Variants in UCKL1 observed in about 807,000 individuals in gnomAD.
UCKL1 encodes uridine-cytidine kinase-like 1.
In UCKL1, 65 loss-of-function variants were observed where a neutral mutation model predicts 59.2. The ratio of observed to expected loss-of-function variants is 1.10; its 90% CI spans 0.90 to 1.35. The LOEUF is 1.35. Ranked by LOEUF, UCKL1 falls within the 40% of genes most tolerant of loss-of-function variation. UCKL1 has a pLI of 0.00. For synonymous variants in UCKL1, 410 were observed against 323.1 expected (o/e 1.27, Z -2.88); for missense variants, 703 against 784.3 (o/e 0.90, Z 1.24).
At chr20:63,956,117 A>C in intron 1 of UCKL1, 143 bp downstream of exon 1, 8 of 768,532 alleles carry the variant, frequency 1.0e-5, no homozygotes, top group Middle Eastern at 4.1e-4. Context: ...TCCACCCGGC[A>C]CGTGGGAGAA....
rs776305186 is a variant in UCKL1 at position 63,940,065 on chromosome 20, G to GT, written c.1568-11_1568-10insA. On this transcript the variant is annotated splice_polypyrimidine_tract_variant and intron_variant, in intron 14 of 14. Transcript: ENST00000354216. ...CGGTCGCCAAAGTTCCCTGGAAAAA[G>GT]GGGGGGGGGGGTCCAGTGTGGTGGG... The GT allele has an allele frequency of 7.6e-4, 64 of 84,282 alleles. No homozygotes were observed. The highest frequency in any genetic ancestry group is 4.1e-3 in the South Asian group (13 of 3,166). 5.2% of individuals were successfully genotyped at this position (84,282 alleles called of 1,614,324 possible).
rs35264801 is a variant in UCKL1, at chr20:63,940,064, AGG to A, written c.1568-11_1568-10del. 206,723 of 1,482,034 alleles carry A rather than the reference AGG, an allele frequency of 0.14. 73 individuals carry two copies. Among genetic ancestry groups the A allele is most frequent in the East Asian group, 0.28 (11,714 of 41,340 alleles). The allele number at this position is 1,482,034 out of a possible 1,614,324, so 91.8% of individuals were successfully genotyped here. On this transcript the variant is annotated splice_polypyrimidine_tract_variant and intron_variant, in intron 14 of 14. Coordinates refer to ENST00000354216, the MANE Select transcript of UCKL1 (RefSeq NM_017859.4). ...GCGGTCGCCAAAGTTCCCTGGAAAA[AGG>A]GGGGGGGGGGTCCAGTGTGGTGGGG...
intron 1 of UCKL1, among the ~76,000 whole-genome samples, chr20:63,947,711 C>CCAGAGG (rs1342233809): frequency 1.3e-5 from 2 of 152,252 alleles, no homozygotes; most frequent in African/African-American, 4.8e-5. Flanking sequence ...CGGCATCTGG[C>CCAGAGG]AAACACCAGA....
intron 1 of UCKL1, among the ~76,000 whole-genome samples, chr20:63,952,295 C>T (rs1216829360): frequency 6.6e-6 from 1 of 152,224 alleles, no homozygotes; most frequent in Non-Finnish European, 1.5e-5. Flanking sequence ...TGGGCATGCA[C>T]CCTGGCTGCC....
chr20:63,944,520 C>G (rs1242636000), intron 6 of UCKL1, 25 bp downstream of exon 6: 1 of 1,598,350 alleles, frequency 6.3e-7, no homozygotes, highest in African/African-American at 1.3e-5. Context: ...CGACACCCAC[C>G]CAACAGGCAG....
At chr20:63,949,483 A>G (rs1401803536) in intron 1 of UCKL1, among the ~76,000 whole-genome samples, 1 of 152,180 alleles carries the variant, frequency 6.6e-6, no homozygotes, top group Non-Finnish European at 1.5e-5. Flanking sequence ...GGCCCTGGAC[A>G]CACATGACCA....
At chr20:63,956,216 C>T (rs1240037642) in intron 1 of UCKL1, 44 bp downstream of exon 1, 2 of 1,468,538 alleles carry the variant, frequency 1.4e-6, no homozygotes, top group Admixed American at 2.4e-5. Context: ...GATCTGCAGC[C>T]CCTTCCCGCT....
rs2055309215 is a variant in UCKL1, at chr20:63,943,655, G to C, written c.921C>G (p.Val307=). The change falls in exon 8 of 15, where the codon GTC becomes GTG. Residue 307 remains valine (V), a splice_region_variant and synonymous_variant. Transcript: ENST00000354216. ...HSQLEERELS[V]RAALASAHQC... ...GCAGACAGCTGTGCAAGTCTTACCT[G>C]ACGCTGAGTTCACGCTGTGGCAGCA... is the stretch of plus-strand genomic sequence containing the variant. The C allele has an allele frequency of 6.2e-7, 1 of 1,612,722 alleles. No individual in the cohort carries two copies. The highest frequency in any genetic ancestry group is 8.5e-7 in the Non-Finnish European group (1 of 1,179,890).
intron 1 of UCKL1, chr20:63,948,338 A>G (rs1250716618): frequency 6.6e-6 from 1 of 152,012 alleles, no homozygotes; most frequent in Non-Finnish European, 1.5e-5. Context: ...CTGCAGCGGC[A>G]CAGTCTGTCC....
rs372977751 is a variant in UCKL1, at chr20:63,940,931, C to A, written c.1116+19G>T. The A allele has an allele frequency of 2.6e-6, 4 of 1,518,558 alleles. No individual in the cohort carries two copies. The East Asian group carries it at 9.1e-5, about 35-fold the overall frequency. The allele number at this position is 1,518,558 out of a possible 1,614,324, so 94.1% of individuals were successfully genotyped here. On this transcript the variant is annotated intron_variant, in intron 10 of 14. Coordinates refer to ENST00000354216, the MANE Select transcript of UCKL1 (RefSeq NM_017859.4). ...GCTCCAAGACCCACCCTCCACCTCG[C>A]GGGCTACGGGCTACGAACCTGAAAG... is the stretch of plus-strand genomic sequence containing the variant.
Position 63,946,448 on chromosome 20 carries a change from C to T in UCKL1, c.304+5G>A, listed in dbSNP as rs2056246705. 7.7e-6 allele frequency: 12 copies of T among 1,551,070 alleles called. No homozygotes were observed. Among genetic ancestry groups the T allele is most frequent in the Non-Finnish European group, 1.0e-5 (12 of 1,147,208 alleles). On this transcript the variant is annotated splice_donor_5th_base_variant and intron_variant, in intron 2 of 14. Coordinates refer to ENST00000354216, the MANE Select transcript of UCKL1 (RefSeq NM_017859.4). ...CAGCAGGTCCCACCCCCCCGCTGCT[C>T]TCACCGATGGCGAAGGCCTCTTTGG... is the stretch of plus-strand genomic sequence containing the variant.
At position 63,948,557 on chromosome 20, in the gene UCKL1, A is replaced by AGGCGTGTGTGAGAGGGAGGG. The variant is rs147940871; in HGVS notation, c.114-1934_114-1915dup. ...GCCATGCGCCTCGGTGTGAGGAGGG[A>AGGCGTGTGTGAGAGGGAGGG]GGCGTGTGTGAGAGGGAGGGGATGT... On this transcript the variant is annotated intron_variant, in intron 1 of 14. Coordinates refer to ENST00000354216, the MANE Select transcript of UCKL1 (RefSeq NM_017859.4). The AGGCGTGTGTGAGAGGGAGGG allele has an allele frequency of 1.4e-4, 2 of 14,392 alleles. 1 individual carries two copies. Among genetic ancestry groups the AGGCGTGTGTGAGAGGGAGGG allele is most frequent in the African/African-American group, 6.0e-4 (2 of 3,324 alleles). 0.9% of individuals were successfully genotyped at this position (14,392 alleles called of 1,614,324 possible). A position where few individuals can be genotyped will look rare whatever the true frequency, so the allele number is the denominator to read the frequency against.
At chr20:63,949,888 T>G (rs917576530) in intron 1 of UCKL1, among the ~76,000 whole-genome samples, 75 of 152,192 alleles carry the variant, frequency 4.9e-4, no homozygotes, top group Non-Finnish European at 8.1e-4. Context: ...GGGACTAACT[T>G]GAGGGACAGA....
In UCKL1 at chr20:63,940,662, C is replaced by T; in HGVS notation, c.1234G>A (p.Ala412Thr). 3 of 1,608,780 alleles carry T rather than the reference C, an allele frequency of 1.9e-6. No homozygotes were observed. Among genetic ancestry groups the T allele is most frequent in the Non-Finnish European group, 2.5e-6 (3 of 1,178,736 alleles). Reference sequence around the variant, plus strand: ...CCGATGCGCACGTCTTTGCACACAGCGCGCAGCGCGGGCTCCATGGTTTCA... The same window carrying T: ...CCGATGCGCACGTCTTTGCACACAGTGCGCAGCGCGGGCTCCATGGTTTCA... ...AGETMEPALR[A>T]VCKDVRIGTI... The change falls in exon 12 of 15, where the codon GCT becomes ACT. Residue 412 changes from alanine (A) to threonine (T), a missense_variant. This residue lies in a region of UCKL1 where 25 missense variants were observed against 64.5 expected (regional missense o/e 0.39). Transcript: ENST00000354216.
intron 8 of UCKL1, 78 bp from the exon 9 acceptor site, chr20:63,941,286 G>C: frequency 6.9e-7 from 1 of 1,453,018 alleles, no homozygotes; most frequent in Non-Finnish European, 9.1e-7. Context: ...ACGGCTGTGC[G>C]TCACTGTGAG....
chr20:63,950,135 G>A (rs1304938583), intron 1 of UCKL1, among the ~76,000 whole-genome samples: 1 of 152,230 alleles, frequency 6.6e-6, no homozygotes, highest in Non-Finnish European at 1.5e-5. Context: ...AGCAGGCCAG[G>A]ACGATCTGCC....
Position 63,946,527 on chromosome 20 carries a change from C to T in UCKL1, c.230G>A (p.Arg77His), listed in dbSNP as rs140085444. 1.1e-5 allele frequency: 17 copies of T among 1,605,780 alleles called. No individual in the cohort carries two copies. Among genetic ancestry groups the T allele is most frequent in the African/African-American group, 6.7e-5 (5 of 74,664 alleles). The change falls in exon 2 of 15, where the codon CGT (arginine) becomes CAT (histidine). Residue 77 changes from arginine (R) to histidine (H), a missense_variant. Arg to His is a conservative substitution (Grantham distance 29). Around this residue, in one of 4 missense-constraint regions of UCKL1, gnomAD observed 398 missense variants for 373.0 expected, o/e 1.07. Transcript: ENST00000354216. The stretch of plus-strand genomic sequence containing the variant: ...CGGCCGCCCGGCGGTGTAGATGGTA[C>T]GCTTGCTTGTACGCAGCAGGGGAGG... ...SEPPLLRTSK[R>H]TIYTAGRPPW... is the part of the protein sequence containing the mutation.
At position 63,945,510 on chromosome 20, in the gene UCKL1, T is replaced by A. The variant is rs1336093890; in HGVS notation, c.654+141A>T. On this transcript the variant is annotated intron_variant, in intron 5 of 14. Coordinates refer to ENST00000354216, the MANE Select transcript of UCKL1 (RefSeq NM_017859.4). ...GGACCCAGCTGTGGCATGCCTGGGG[T>A]TGGGGTTGGGGTAGGGAGTGGCTGG... The A allele has an allele frequency of 3.8e-6, 3 of 787,338 alleles. No homozygotes were observed. In the African/African-American group the frequency reaches 5.2e-5, roughly 14 times the overall value. The allele number at this position is 787,338 out of a possible 1,614,324, so 48.8% of individuals were successfully genotyped here. A position where few individuals can be genotyped will look rare whatever the true frequency, so the allele number is the denominator to read the frequency against.
chr20:63,943,058 C>A (rs531870537), intron 8 of UCKL1, among the ~76,000 whole-genome samples: 2 of 152,340 alleles, frequency 1.3e-5, no homozygotes, highest in East Asian at 3.9e-4. Context: ...TGTGGCTGAC[C>A]CCCCTGCATG....
Sources: allele counts gnomAD v4.1 joint callset (sites outside exome capture counted in the v4.1 genomes callset), GRCh38; gene constraint gnomAD v4.1.1; regional missense constraint gnomAD v4.1.1; transcripts MANE v1.5; gene names NCBI Gene and HGNC (gene_info 2026-07-23, HGNC 2026-07-21).